Variants in NF1 observed in about 807,000 individuals in gnomAD.
NF1 encodes the protein neurofibromin 1, also known as neurofibromin.
NF1 carries 122 observed loss-of-function variants against 325.7 expected under a neutral mutation model. That is an observed-to-expected ratio of 0.37 (90% CI 0.32 to 0.44). The LOEUF is 0.44. Ranked by LOEUF, NF1 falls within the 20% of genes least tolerant of loss-of-function variation. The pLI is 1.00. For missense variants in NF1, 2,140 were observed against 3,415.4 expected, an observed-to-expected ratio of 0.63 and a Z score of 9.31; for synonymous variants, 1,091 against 1,186.0, an observed-to-expected ratio of 0.92 and a Z score of 1.65.
chr17:31,219,576 G>A (rs915836740), intron 14 of NF1, among the ~76,000 whole-genome samples: 1 of 151,654 alleles, frequency 6.6e-6, no homozygotes, highest in Non-Finnish European at 1.5e-5. Context: ...TTGGTGTGCT[G>A]CACCCATTAA....
chr17:31,266,484 G>A (rs2067791132), intron 36 of NF1, among the ~76,000 whole-genome samples: 1 of 152,104 alleles, frequency 6.6e-6, no homozygotes, highest in South Asian at 2.1e-4. Context: ...CCCATGAAAG[G>A]CCTCTCTCCA....
At chr17:31,349,006 A>G (rs2070069089) in intron 48 of NF1, 114 bp from the exon 49 acceptor site, 3 of 1,296,570 alleles carry the variant, frequency 2.3e-6, no homozygotes, top group Admixed American at 4.1e-5. Context: ...GGAAAGTAGG[A>G]GTTATATTTC....
At position 31,236,013 on chromosome 17, in the gene NF1, T is replaced by A. The variant is rs1178651832; in HGVS notation, c.3966T>A (p.Asp1322Glu). Residue 1322 changes from aspartate to glutamate, a missense_variant, in exon 29 of 58, where the codon GAT becomes GAA. Around this residue, in one of 10 missense-constraint regions of NF1, gnomAD observed 336 missense variants for 399.0 expected, o/e 0.84. Transcript: ENST00000358273. ...GGCAACATGTTAGCTTTGAAGTGGA[T>A]CCTACCAGGTTTGTCATCTTTTCAC... ...SDWQHVSFEV[D>E]PTRLEPSESL... The A allele has an allele frequency of 6.2e-7, 1 of 1,612,956 alleles. No homozygotes were observed. Among genetic ancestry groups the A allele is most frequent in the Non-Finnish European group, 8.5e-7 (1 of 1,179,234 alleles).
rs876660298 is a variant in NF1, at chr17:31,327,713, G to A, written c.5483G>A (p.Arg1828Gln). 3.1e-6 allele frequency: 5 copies of A among 1,614,046 alleles called. No homozygotes were observed. The highest frequency in any genetic ancestry group is 1.7e-5 in the Admixed American group (1 of 60,002). ...EAIVQSIIHI[R>Q]TRWELSQPDS... ...ATTGTCCAGTCTATCATTCATATCC[G>A]GACCCGCTGGGAACTGTCACAGCCC... Residue 1828 changes from arginine (R) to glutamine (Q), a missense_variant, in exon 38 of 58, where the codon CGG (arginine) becomes CAG (glutamine). Coordinates refer to ENST00000358273, the MANE Select transcript of NF1 (RefSeq NM_001042492.3).
intron 1 of NF1, among the ~76,000 whole-genome samples, chr17:31,109,387 TC>T (rs1913200507): frequency 6.6e-6 from 1 of 152,052 alleles, no homozygotes; most frequent in Non-Finnish European, 1.5e-5. Flanking sequence ...TTCTTTTTTT[TC>T]TTTTTCTTTT....
At chr17:31,102,265 A>G (rs373312114) in intron 1 of NF1, among the ~76,000 whole-genome samples, 13 of 152,266 alleles carry the variant, frequency 8.5e-5, no homozygotes, top group African/African-American at 2.6e-4. Flanking sequence ...ATATTTTGCA[A>G]TGGTGTGATA....
chr17:31,146,612 T>C lies in NF1; in HGVS notation c.61-9371T>C, dbSNP rs368650629. On this transcript the variant is annotated intron_variant, in intron 1 of 57. Transcript: ENST00000358273. The stretch of plus-strand genomic sequence containing the variant: ...TCTGGCTTTCAAACTTAGTTTTCAA[T>C]TGGAAGTTAATCAGCTTTTTTGTTT... Among the ~76,000 whole-genome samples, 7 of 152,230 alleles carry C rather than the reference T, an allele frequency of 4.6e-5. No individual in the cohort carries two copies. In the South Asian group the frequency reaches 1.4e-3, roughly 32 times the overall value.
rs17885418 is a variant in NF1, at chr17:31,181,351, T to C, written c.587-71T>C. The C allele has an allele frequency of 3.2e-4, 448 of 1,387,638 alleles. 1 individual carries two copies. The African/African-American group carries it at 6.0e-3, about 19-fold the overall frequency. 86.0% of individuals were successfully genotyped at this position (1,387,638 alleles called of 1,614,324 possible). ...GCAAAAGTAATACGTAAATGGAAAG[T>C]TATTTTGCTCTGAGTTGTATTTGTG... On this transcript the variant is annotated intron_variant, in intron 5 of 57. Transcript: ENST00000358273.
intron 12 of NF1, among the ~76,000 whole-genome samples, chr17:31,208,942 A>C (rs193048251): frequency 5.9e-5 from 9 of 152,282 alleles, no homozygotes; most frequent in Admixed American, 4.6e-4. Flanking sequence ...GGAGTCTGGC[A>C]ACACAGGCAA....
At chr17:31,215,534 T>G (rs985077017) in intron 13 of NF1, among the ~76,000 whole-genome samples, 5 of 152,180 alleles carry the variant, frequency 3.3e-5, no homozygotes, top group African/African-American at 1.2e-4. Flanking sequence ...GAGATACTGT[T>G]AGGAAAATTG....
intron 1 of NF1, among the ~76,000 whole-genome samples, chr17:31,120,273 C>CT (rs570201649): frequency 1.3e-5 from 2 of 152,226 alleles, no homozygotes; most frequent in African/African-American, 4.8e-5. Flanking sequence ...TTTGTATCCT[C>CT]TTTTATTTCC....
chr17:31,129,927 G>A (rs1211771570), intron 1 of NF1, among the ~76,000 whole-genome samples: 1 of 151,998 alleles, frequency 6.6e-6, no homozygotes, highest in Non-Finnish European at 1.5e-5. Flanking sequence ...AACCATCTCA[G>A]TCCAGTTCAG....
chr17:31,294,772 T>A (rs763510709), intron 36 of NF1: 89 of 560,108 alleles, frequency 1.6e-4, no homozygotes, highest in Middle Eastern at 9.8e-4. Flanking sequence ...TCATTTTTTT[T>A]ATAAAAGAAA....
chr17:31,299,342 CA>C (rs56983032), intron 36 of NF1, among the ~76,000 whole-genome samples: 44 of 151,364 alleles, frequency 2.9e-4, no homozygotes, highest in South Asian at 1.5e-3. Flanking sequence ...TACTGTTACT[CA>C]AAAAAAATAT....
At chr17:31,132,890 C>T (rs1915497062) in intron 1 of NF1, among the ~76,000 whole-genome samples, 1 of 152,178 alleles carries the variant, frequency 6.6e-6, no homozygotes, top group South Asian at 2.1e-4. Context: ...TGGTCTCGAA[C>T]TCCTGACCTC....
intron 21 of NF1, 70 bp from the exon 22 acceptor site, chr17:31,229,765 T>G: frequency 6.3e-7 from 1 of 1,586,310 alleles, no homozygotes; most frequent in Non-Finnish European, 8.6e-7. Context: ...ATCAGTCAGT[T>G]TCATCTCTCT....
At chr17:31,199,282 G>A (rs551654307) in intron 8 of NF1, among the ~76,000 whole-genome samples, 10 of 151,996 alleles carry the variant, frequency 6.6e-5, no homozygotes, top group South Asian at 4.1e-4. Context: ...TTGTGTTTTC[G>A]TTTTCATTTA....
chr17:31,368,723 C>T (rs2070578396), intron 57 of NF1, among the ~76,000 whole-genome samples: 1 of 152,152 alleles, frequency 6.6e-6, no homozygotes, highest in Non-Finnish European at 1.5e-5. Flanking sequence ...ATTATTTTAT[C>T]TGTGTGCAAA....
At chr17:31,194,490 AT>A (rs2143844229) in intron 8 of NF1, among the ~76,000 whole-genome samples, 1 of 152,260 alleles carries the variant, frequency 6.6e-6, no homozygotes, top group African/African-American at 2.4e-5. Context: ...GATGGCTGTA[AT>A]TAACAATATG....
Sources: gnomAD v4.1 joint callset for allele counts (sites outside exome capture counted in the v4.1 genomes callset) on GRCh38, gnomAD v4.1.1 for gene constraint, gnomAD v4.1.1 regional missense constraint, MANE v1.5 for transcripts, NCBI Gene and HGNC (gene_info 2026-07-23, HGNC 2026-07-21) for gene names.